PHF24: variants seen among roughly 807,000 people sequenced by gnomAD.
PHF24 encodes the protein PHD finger protein 24.
Under a neutral mutation model 42.6 loss-of-function variants are expected in PHF24, and 25 were observed. That is an observed-to-expected ratio of 0.59 (90% CI 0.43 to 0.82). PHF24 has a LOEUF of 0.82. Among genes scored for constraint, PHF24 ranks in the 40% least tolerant of loss-of-function variants. The probability of loss-of-function intolerance (pLI) is 0.00; values close to 1 mark genes in which losing one functional copy is unlikely to be tolerated. For synonymous variants in PHF24, 185 were observed against 204.8 expected (o/e 0.90, Z 0.83); for missense variants, 470 against 538.1 (o/e 0.87, Z 1.25).
At chr9:34,834,076 C>T in the PHF24 span, 16 of 1,541,214 alleles carry the variant, frequency 1.0e-5, no homozygotes, top group African/African-American at 1.3e-4. Context: ...GATCAAGGGC[C>T]GTTGGCATCC....
At chr9:34,762,000 T>C in the PHF24 span, among the ~76,000 whole-genome samples, 3 of 152,100 alleles carry the variant, frequency 2.0e-5, no homozygotes, top group East Asian at 5.8e-4. Context: ...TCCAATTTCA[T>C]CCATGTCCCT....
chr9:34,849,087 T>G, the PHF24 span, among the ~76,000 whole-genome samples: 339 of 152,270 alleles, frequency 2.2e-3, 2 homozygotes, highest in African/African-American at 7.0e-3. Context: ...GTTGATTTGG[T>G]GTGGAGAATT....
chr9:34,771,400 C>T, the PHF24 span, among the ~76,000 whole-genome samples: 1 of 152,222 alleles, frequency 6.6e-6, no homozygotes, highest in Non-Finnish European at 1.5e-5. Flanking sequence ...AGAAAAGGTA[C>T]AGAAAAAATA....
chr9:34,873,476 T>A, the PHF24 span, among the ~76,000 whole-genome samples: 1,801 of 150,016 alleles, frequency 0.012, 29 homozygotes, highest in African/African-American at 0.041. Context: ...TTTCCCCATT[T>A]CTTGTTTTTG....
the PHF24 span, chr9:34,889,732 A>G: frequency 2.5e-6 from 1 of 397,484 alleles, no homozygotes; most frequent in Non-Finnish European, 4.4e-6. Context: ...TGACCCTGCA[A>G]ATTTTGCCCT....
At chr9:34,971,490 A>G (rs747338118) in exon 2 of PHF24, 1 of 1,614,176 alleles carries the variant, frequency 6.2e-7, no homozygotes. Flanking sequence ...CAGAAGCAGG[A>G]ACCTCGGTGG....
the PHF24 span, among the ~76,000 whole-genome samples, chr9:34,896,674 C>A: frequency 6.6e-6 from 1 of 152,146 alleles, no homozygotes; most frequent in Non-Finnish European, 1.5e-5. Context: ...ATTTGAATAA[C>A]TTTAGGCAGA....
the PHF24 span, among the ~76,000 whole-genome samples, chr9:34,816,853 A>G: frequency 6.6e-6 from 1 of 152,226 alleles, no homozygotes; most frequent in African/African-American, 2.4e-5. Context: ...GACTCTCAGG[A>G]CAAGTTTGAG....
At chr9:34,896,766 C>A in the PHF24 span, among the ~76,000 whole-genome samples, 9 of 152,138 alleles carry the variant, frequency 5.9e-5, no homozygotes, top group African/African-American at 2.2e-4. Flanking sequence ...TTCATGACCC[C>A]TATCAATATT....
the PHF24 span, among the ~76,000 whole-genome samples, chr9:34,939,543 G>A: frequency 6.6e-6 from 1 of 152,166 alleles, no homozygotes; most frequent in Non-Finnish European, 1.5e-5. Flanking sequence ...TCAGGCCAGA[G>A]TTGTCTGTCA....
the PHF24 span, among the ~76,000 whole-genome samples, chr9:34,786,462 C>T: frequency 6.6e-6 from 1 of 152,124 alleles, no homozygotes; most frequent in Non-Finnish European, 1.5e-5. Flanking sequence ...ACTAGCTAGC[C>T]ATGGGGACTC....
the PHF24 span, among the ~76,000 whole-genome samples, chr9:34,711,604 G>T: frequency 2.7e-5 from 4 of 150,120 alleles, no homozygotes; most frequent in African/African-American, 9.9e-5. Context: ...GTGCAGTGGC[G>T]TGATCTTGGC....
the PHF24 span, chr9:34,834,035 G>A: frequency 6.5e-7 from 1 of 1,549,510 alleles, no homozygotes. Context: ...AGGGTGTTCA[G>A]TGACAGTACC....
the PHF24 span, among the ~76,000 whole-genome samples, chr9:34,855,407 G>A: frequency 1.3e-5 from 2 of 152,168 alleles, no homozygotes; most frequent in Non-Finnish European, 2.9e-5. Context: ...TTTAGTGGCT[G>A]GTAACAGTTT....
chr9:34,966,494 A>G (rs932386906), intron 1 of PHF24, among the ~76,000 whole-genome samples: 2 of 152,068 alleles, frequency 1.3e-5, no homozygotes, highest in Non-Finnish European at 2.9e-5. Flanking sequence ...TTTTTCAAAA[A>G]TTATCAATCA....
chr9:34,848,628 C>T, the PHF24 span, among the ~76,000 whole-genome samples: 1 of 151,420 alleles, frequency 6.6e-6, no homozygotes, highest in Non-Finnish European at 1.5e-5. Flanking sequence ...TTAGTTATTT[C>T]TTGCCTTCTG....
chr9:34,832,788 A>G, the PHF24 span: 3 of 1,551,282 alleles, frequency 1.9e-6, no homozygotes, highest in African/African-American at 1.4e-5. Context: ...TGGTTGGCTC[A>G]GGAAAGGCTG....
chr9:34,769,078 C>T, the PHF24 span, among the ~76,000 whole-genome samples: 1 of 152,066 alleles, frequency 6.6e-6, no homozygotes, highest in Admixed American at 6.6e-5. Context: ...ATATGTAAAA[C>T]CTTTTTGAGA....
the PHF24 span, among the ~76,000 whole-genome samples, chr9:34,696,505 A>AG: frequency 4.0e-5 from 6 of 151,370 alleles, no homozygotes; most frequent in Non-Finnish European, 8.8e-5. Flanking sequence ...AAAAAAAAAA[A>AG]AAGTTTAGAC....
Sources: gnomAD v4.1 joint callset for allele counts (sites outside exome capture counted in the v4.1 genomes callset) on GRCh38, gnomAD v4.1.1 for gene constraint, MANE v1.5 for transcripts, NCBI Gene and HGNC (gene_info 2026-07-23, HGNC 2026-07-21) for gene names.